The following TIMD4 variants were observed in gnomAD, a reference collection of about 807,000 sequenced individuals.
TIMD4 encodes T-cell immunoglobulin and mucin domain-containing protein 4.
Under a neutral mutation model 41.2 loss-of-function variants are expected in TIMD4, and 31 were observed. That is an observed-to-expected ratio of 0.75 (90% CI 0.57 to 1.01). The LOEUF (loss-of-function observed/expected upper bound fraction) is 1.01, where lower values mean the gene tolerates loss of function less well. TIMD4 is among the 50% of genes least tolerant of loss of function. The pLI is 0.00. For missense variants in TIMD4, 479 were observed against 472.5 expected (o/e 1.01, Z -0.13); for synonymous variants, 204 against 177.1 (o/e 1.15, Z -1.21).
chr5:156,942,328 G>A (rs756443506), intron 5 of TIMD4, among the ~76,000 whole-genome samples: 37 of 152,148 alleles, frequency 2.4e-4, no homozygotes, highest in Admixed American at 4.6e-4. Context: ...CTCTGCACGG[G>A]GTCAGGACCA....
chr5:156,927,089 T>A lies in TIMD4; in HGVS notation c.845-777A>T, dbSNP rs6887842. Among the ~76,000 whole-genome samples the A allele has an allele frequency of 3.6e-3, 541 of 152,264 alleles. 1 individual carries two copies. Among genetic ancestry groups the A allele is most frequent in the African/African-American group, 0.012 (513 of 41,558 alleles). ...TTTCAGCCTAACAGGCCAAAGGTAG[T>A]GATGGAGCACACAGGCTGCTGGAAG... On this transcript the variant is annotated intron_variant, in intron 5 of 8. Coordinates refer to ENST00000274532, the MANE Select transcript of TIMD4 (RefSeq NM_138379.3).
chr5:156,962,281 A>G (rs1414905011), intron 1 of TIMD4, among the ~76,000 whole-genome samples: 1 of 152,210 alleles, frequency 6.6e-6, no homozygotes, highest in African/African-American at 2.4e-5. Context: ...TTCTCAGCAC[A>G]AAGAAATTTA....
chr5:156,958,778 G>A (rs1392304827), intron 1 of TIMD4, among the ~76,000 whole-genome samples: 1 of 152,126 alleles, frequency 6.6e-6, no homozygotes, highest in Non-Finnish European at 1.5e-5. Flanking sequence ...ATGTATATGT[G>A]AATGAAATGG....
At chr5:156,955,941 C>T (rs994532817) in intron 1 of TIMD4, among the ~76,000 whole-genome samples, 2 of 152,290 alleles carry the variant, frequency 1.3e-5, no homozygotes, top group African/African-American at 2.4e-5. Flanking sequence ...AGCTAATTAA[C>T]ATATCCATCG....
intron 1 of TIMD4, among the ~76,000 whole-genome samples, chr5:156,961,795 C>T (rs1390334985): frequency 5.8e-5 from 5 of 86,532 alleles, no homozygotes; most frequent in South Asian, 4.1e-4. Context: ...GGCAAAAGAG[C>T]GAGACTCCGT....
intron 5 of TIMD4, among the ~76,000 whole-genome samples, chr5:156,936,702 A>C (rs1405635212): frequency 6.6e-6 from 1 of 151,914 alleles, no homozygotes; most frequent in Non-Finnish European, 1.5e-5. Flanking sequence ...AGATCACCTG[A>C]GGTCAAAAGT....
At chr5:156,923,457 T>A (rs1266671510) in intron 6 of TIMD4, among the ~76,000 whole-genome samples, 1 of 152,032 alleles carries the variant, frequency 6.6e-6, no homozygotes, top group African/African-American at 2.4e-5. Flanking sequence ...CCTAAAAAAA[T>A]TTTTTAATTG....
intron 2 of TIMD4, among the ~76,000 whole-genome samples, chr5:156,954,026 C>T (rs369442060): frequency 2.6e-5 from 4 of 152,148 alleles, no homozygotes; most frequent in Non-Finnish European, 5.9e-5. Context: ...TTGAAGGTGA[C>T]CCCTGAATAC....
At chr5:156,934,926 T>C (rs1759512011) in intron 5 of TIMD4, among the ~76,000 whole-genome samples, 1 of 152,204 alleles carries the variant, frequency 6.6e-6, no homozygotes, top group South Asian at 2.1e-4. Context: ...ATCTGTCCTA[T>C]GTTTAAAACA....
chr5:156,955,620 C>T (rs917343921), intron 1 of TIMD4, among the ~76,000 whole-genome samples: 1 of 151,632 alleles, frequency 6.6e-6, no homozygotes, highest in Non-Finnish European at 1.5e-5. Context: ...CATGCCACTG[C>T]ACTCCAGCCT....
chr5:156,935,490 C>T (rs1180751177), intron 5 of TIMD4: 1 of 152,184 alleles, frequency 6.6e-6, no homozygotes, highest in East Asian at 1.9e-4. Flanking sequence ...GCATTACATA[C>T]ATCAGTCAGG....
intron 2 of TIMD4, among the ~76,000 whole-genome samples, chr5:156,952,422 C>T (rs1464122260): frequency 6.6e-6 from 1 of 152,130 alleles, no homozygotes; most frequent in Non-Finnish European, 1.5e-5. Flanking sequence ...CCATTTGACC[C>T]CATCTTGCCT....
chr5:156,937,983 C>T (rs919016630), intron 5 of TIMD4, among the ~76,000 whole-genome samples: 1 of 152,306 alleles, frequency 6.6e-6, no homozygotes. Flanking sequence ...AATGTGGTTT[C>T]CTTCATTCCT....
chr5:156,942,057 G>C (rs997794407), intron 5 of TIMD4, among the ~76,000 whole-genome samples: 10 of 152,182 alleles, frequency 6.6e-5, no homozygotes, highest in African/African-American at 2.4e-4. Context: ...CTACTGTTAA[G>C]TATCGCAAGG....
At chr5:156,940,855 G>T (rs1297026618) in intron 5 of TIMD4, among the ~76,000 whole-genome samples, 1 of 152,288 alleles carries the variant, frequency 6.6e-6, no homozygotes, top group East Asian at 1.9e-4. Context: ...GATGACGATG[G>T]CGGTTTTGTT....
chr5:156,921,928 G>C (rs1213660219), intron 7 of TIMD4, among the ~76,000 whole-genome samples, 171 bp downstream of exon 7: 3 of 152,146 alleles, frequency 2.0e-5, no homozygotes, highest in Non-Finnish European at 2.9e-5. Flanking sequence ...AGAGTCATTA[G>C]CAGCTTGGGG....
At chr5:156,926,437 GT>G in intron 5 of TIMD4, 125 bp from the exon 6 acceptor site, 1 of 917,294 alleles carries the variant, frequency 1.1e-6, no homozygotes, top group Non-Finnish European at 1.7e-6. Flanking sequence ...TTAATCCCGT[GT>G]TTTTTGTATA....
At chr5:156,925,344 T>C (rs897362773) in intron 6 of TIMD4, among the ~76,000 whole-genome samples, 1 of 152,120 alleles carries the variant, frequency 6.6e-6, no homozygotes, top group African/African-American at 2.4e-5. Context: ...CAGGCAGGCA[T>C]TGGGGCATCT....
chr5:156,921,878 C>A (rs1275147822), intron 7 of TIMD4, among the ~76,000 whole-genome samples: 1 of 152,056 alleles, frequency 6.6e-6, no homozygotes. Flanking sequence ...TGCTTTTTTT[C>A]CTTTTCCAAA....
Sources: gnomAD v4.1 joint callset for allele counts (sites outside exome capture counted in the v4.1 genomes callset) on GRCh38, gnomAD v4.1.1 for gene constraint, MANE v1.5 for transcripts, NCBI Gene and HGNC (gene_info 2026-07-23, HGNC 2026-07-21) for gene names.